The following CHCT1 variants were observed in gnomAD, a reference collection of about 807,000 sequenced individuals.
CHCT1 encodes the protein CHD1 helical C-terminal domain containing protein 1.
At chr17:60,421,937 C>A in the CHCT1 span, 1 of 985,734 alleles carries the variant, frequency 1.0e-6, no homozygotes, top group East Asian at 1.1e-4. Flanking sequence ...CAGGGAAGGC[C>A]GCGGGGAGGG....
the CHCT1 span, chr17:60,421,452 C>A: frequency 1.0e-6 from 1 of 985,602 alleles, no homozygotes; most frequent in East Asian, 1.1e-4. Flanking sequence ...GCGGTCCCAC[C>A]GCACTGTCGC....
At chr17:60,427,532 C>T in the CHCT1 span, among the ~76,000 whole-genome samples, 1 of 152,030 alleles carries the variant, frequency 6.6e-6, no homozygotes, top group African/African-American at 2.4e-5. Context: ...ATTCTCCTGC[C>T]ACAGCCTCCC....
At chr17:60,428,692 G>A in the CHCT1 span, among the ~76,000 whole-genome samples, 13 of 151,780 alleles carry the variant, frequency 8.6e-5, no homozygotes, top group African/African-American at 3.1e-4. Flanking sequence ...TCACCTTGTT[G>A]GCCAGGCTGG....
the CHCT1 span, chr17:60,421,549 T>A: frequency 1.0e-6 from 1 of 985,432 alleles, no homozygotes; most frequent in African/African-American, 1.7e-5. Flanking sequence ...GGAGAAGGAA[T>A]TCCTAGTTTC....
chr17:60,425,496 T>G, the CHCT1 span, among the ~76,000 whole-genome samples: 8 of 152,256 alleles, frequency 5.3e-5, no homozygotes, highest in Non-Finnish European at 8.8e-5. Flanking sequence ...CTGACAGAAT[T>G]TGCGGGAAGA....
chr17:60,429,655 C>G, the CHCT1 span: 1 of 1,227,176 alleles, frequency 8.1e-7, no homozygotes, highest in Non-Finnish European at 1.1e-6. Context: ...CCGGGAGCCT[C>G]TGCCCCCAGC....
At chr17:60,430,502 A>G in the CHCT1 span, among the ~76,000 whole-genome samples, 3 of 152,054 alleles carry the variant, frequency 2.0e-5, no homozygotes, top group African/African-American at 7.2e-5. Flanking sequence ...TTTTTTTGAG[A>G]CGGAGTCTCA....
the CHCT1 span, chr17:60,429,367 A>G: frequency 2.5e-6 from 4 of 1,613,106 alleles, no homozygotes; most frequent in Middle Eastern, 1.7e-4. Context: ...GGCAGGTGAC[A>G]TTCTGCGCCT....
the CHCT1 span, chr17:60,426,378 G>A: frequency 1.3e-6 from 2 of 1,502,602 alleles, no homozygotes; most frequent in Non-Finnish European, 1.8e-6. Flanking sequence ...CCTACTCCTG[G>A]GCAACCCCCT....
the CHCT1 span, chr17:60,421,462 C>T: frequency 1.5e-5 from 15 of 985,416 alleles, no homozygotes; most frequent in Middle Eastern, 1.0e-3. Flanking sequence ...CGCACTGTCG[C>T]GAAGGCAGGC....
the CHCT1 span, chr17:60,426,232 G>T: frequency 1.0e-5 from 16 of 1,551,828 alleles, no homozygotes; most frequent in Middle Eastern, 1.7e-4. Context: ...TTCCCCAGAA[G>T]AAGAAGCTGA....
At chr17:60,422,780 G>A in the CHCT1 span, 2 of 931,450 alleles carry the variant, frequency 2.1e-6, no homozygotes, top group South Asian at 3.5e-5. Context: ...TAAAGCACAA[G>A]AACTTTCATT....
the CHCT1 span, among the ~76,000 whole-genome samples, chr17:60,427,279 A>G: frequency 1.3e-5 from 2 of 152,092 alleles, no homozygotes; most frequent in Non-Finnish European, 2.9e-5. Context: ...TTTGGAATTT[A>G]CCAGAAAAAG....
the CHCT1 span, chr17:60,425,800 C>T: frequency 1.0e-5 from 16 of 1,551,444 alleles, no homozygotes; most frequent in African/African-American, 1.4e-5. Context: ...ATGTGTCATG[C>T]CTGGAGACAA....
At chr17:60,429,371 T>C in the CHCT1 span, 2 of 1,613,436 alleles carry the variant, frequency 1.2e-6, no homozygotes, top group Non-Finnish European at 1.7e-6. Flanking sequence ...GGTGACATTC[T>C]GCGCCTCGGA....
At chr17:60,422,237 C>T in the CHCT1 span, 4 of 330,962 alleles carry the variant, frequency 1.2e-5, no homozygotes, top group Admixed American at 4.5e-5. Flanking sequence ...ATGAGTTCAA[C>T]AGCCTTACCA....
At chr17:60,422,454 G>A in the CHCT1 span, 1 of 1,516,860 alleles carries the variant, frequency 6.6e-7, no homozygotes, top group Non-Finnish European at 8.9e-7. Flanking sequence ...TTCTGTGTTG[G>A]CGGTTGCCGT....
the CHCT1 span, among the ~76,000 whole-genome samples, chr17:60,429,069 A>G: frequency 6.6e-6 from 1 of 152,134 alleles, no homozygotes; most frequent in Non-Finnish European, 1.5e-5. Context: ...TTAGATCTTT[A>G]AAACACATAT....
the CHCT1 span, chr17:60,422,352 C>T: frequency 9.7e-7 from 1 of 1,035,664 alleles, no homozygotes; most frequent in African/African-American, 1.6e-5. Context: ...CCCCGCACAT[C>T]TTGCTCCGTT....
Sources: allele counts gnomAD v4.1 joint callset (sites outside exome capture counted in the v4.1 genomes callset), GRCh38; gene constraint gnomAD v4.1.1; transcripts MANE v1.5; gene names NCBI Gene and HGNC (gene_info 2026-07-23, HGNC 2026-07-21).